Variants in ZNF548 observed in about 807,000 individuals in gnomAD.
ZNF548 encodes zinc finger protein 548.
Under a neutral mutation model 10.2 loss-of-function variants are expected in ZNF548, and 10 were observed. The ratio of observed to expected loss-of-function variants is 0.98; its 90% CI spans 0.60 to 1.66. The LOEUF is 1.66. Ranked by LOEUF, ZNF548 falls within the 40% of genes most tolerant of loss-of-function variation. The pLI is 0.00. For synonymous variants in ZNF548, 217 were observed against 223.5 expected (o/e 0.97, Z 0.26); for missense variants, 599 against 657.0 (o/e 0.91, Z 0.97).
At position 57,397,088 on chromosome 19, in the gene ZNF548, A is replaced by G; in HGVS notation, c.92A>G (p.Gln31Arg). The change falls in exon 3 of 4, where the codon CAG becomes CGG. Residue 31 changes from glutamine to arginine, a missense_variant. Physicochemically the swap from Gln to Arg is conservative, Grantham distance 43. Transcript: ENST00000336128. ...VFEDVAIYFS[Q>R]EEWGHLDEAQ... ...GAGGACGTGGCCATATATTTCTCCC[A>G]GGAGGAGTGGGGGCACCTTGATGAG... is the stretch of plus-strand genomic sequence containing the variant. 2 of 1,613,444 alleles carry G rather than the reference A, an allele frequency of 1.2e-6. No homozygotes were observed. Among genetic ancestry groups the G allele is most frequent in the Non-Finnish European group, 1.7e-6 (2 of 1,179,688 alleles).
In ZNF548 at chr19:57,401,296, T is replaced by C. The variant is rs2088714615; in HGVS notation, c.*1407T>C. ...TATTTGGAGCATCCATGGATTGCAG[T>C]GATCATTAATCAAAAATATTTGGAA... On this transcript the variant is annotated 3_prime_UTR_variant, in exon 4 of 4. Transcript: ENST00000336128. The C allele has an allele frequency of 6.6e-6, 1 of 152,228 alleles. No individual in the cohort carries two copies. The highest frequency in any genetic ancestry group is 1.5e-5 in the Non-Finnish European group (1 of 68,042). The allele number at this position is 152,228 out of a possible 1,614,324, so 9.4% of individuals were successfully genotyped here.
In ZNF548 at chr19:57,399,972, A is replaced by G; in HGVS notation, c.*83A>G. The stretch of plus-strand genomic sequence containing the variant: ...CAGAACATTTTTCCTCTTACCAAGA[A>G]GTAAAATGCTGTACCCATTAACAAC... On this transcript the variant is annotated 3_prime_UTR_variant, in exon 4 of 4. Coordinates refer to ENST00000336128, the MANE Select transcript of ZNF548 (RefSeq NM_001172773.2). The surrounding 1 kb of genome is among the most constrained non-coding windows in gnomAD (Gnocchi z 4.0). 8.7e-7 allele frequency: 1 copy of G among 1,151,674 alleles called. No individual in the cohort carries two copies. Among genetic ancestry groups the G allele is most frequent in the Non-Finnish European group, 1.2e-6 (1 of 835,050 alleles). The allele number at this position is 1,151,674 out of a possible 1,614,324, so 71.3% of individuals were successfully genotyped here.
Position 57,393,489 on chromosome 19 carries a change from T to C in ZNF548, c.16-699T>C, listed in dbSNP as rs974666239. 2.6e-5 allele frequency among the ~76,000 whole-genome samples: 4 copies of C among 151,358 alleles called. No individual in the cohort carries two copies. The South Asian group carries it at 8.4e-4, about 32-fold the overall frequency. ...CAGCCTGACCAACATGGAGAAACCCTGTCTCTACTAAAAATACAAAATTAG... is the reference window on the plus strand; with the variant it reads ...CAGCCTGACCAACATGGAGAAACCCCGTCTCTACTAAAAATACAAAATTAG... On this transcript the variant is annotated intron_variant, in intron 1 of 3. Coordinates refer to ENST00000336128, the MANE Select transcript of ZNF548 (RefSeq NM_001172773.2).
intron 1 of ZNF548, among the ~76,000 whole-genome samples, chr19:57,391,054 A>G (rs1600084203): frequency 6.6e-6 from 1 of 152,222 alleles, no homozygotes; most frequent in Admixed American, 6.5e-5. Flanking sequence ...TAATGTATCC[A>G]TCGCCTGAAT....
chr19:57,394,551 G>A (rs1776140782), intron 2 of ZNF548, among the ~76,000 whole-genome samples: 1 of 152,266 alleles, frequency 6.6e-6, no homozygotes, highest in South Asian at 2.1e-4. Flanking sequence ...GTGGCTAGAG[G>A]CACACAAACA....
At chr19:57,396,494 G>T (rs1342943500) in intron 2 of ZNF548, among the ~76,000 whole-genome samples, 1 of 152,230 alleles carries the variant, frequency 6.6e-6, no homozygotes, top group Non-Finnish European at 1.5e-5. Context: ...AGGCGTAGGG[G>T]ACAGCGATGA....
rs1293170341 is a variant in ZNF548 at position 57,401,552 on chromosome 19, G to A, written c.*1663G>A. 2 of 151,692 alleles carry A rather than the reference G, an allele frequency of 1.3e-5. No individual in the cohort carries two copies. Among genetic ancestry groups the A allele is most frequent in the Non-Finnish European group, 2.9e-5 (2 of 67,958 alleles). The allele number at this position is 151,692 out of a possible 1,614,324, so 9.4% of individuals were successfully genotyped here. On this transcript the variant is annotated 3_prime_UTR_variant, in exon 4 of 4. Coordinates refer to ENST00000336128, the MANE Select transcript of ZNF548 (RefSeq NM_001172773.2). ...ATCAGATGATTTTGGTATCCACAAGGGGTCCTGGAATCAGTCCCCCACAGA... is the reference window on the plus strand; with the variant it reads ...ATCAGATGATTTTGGTATCCACAAGAGGTCCTGGAATCAGTCCCCCACAGA...
chr19:57,394,065 G>C lies in ZNF548; in HGVS notation c.16-123G>C, dbSNP rs534247816. ...CAGAGCTGCAGCACTGAGGCCTGAG[G>C]AACTTTATTCAATGAATTGAGATCA... On this transcript the variant is annotated intron_variant, in intron 1 of 3. Coordinates refer to ENST00000336128, the MANE Select transcript of ZNF548 (RefSeq NM_001172773.2). 6 of 1,057,600 alleles carry C rather than the reference G, an allele frequency of 5.7e-6. No individual in the cohort carries two copies. In the East Asian group the frequency reaches 1.3e-4, roughly 23 times the overall value. 65.5% of individuals were successfully genotyped at this position (1,057,600 alleles called of 1,614,324 possible). A position where few individuals can be genotyped will look rare whatever the true frequency, so the allele number is the denominator to read the frequency against.
chr19:57,399,439 G>A lies in ZNF548; in HGVS notation c.1188G>A (p.Trp396Ter). The A allele has an allele frequency of 6.2e-7, 1 of 1,614,154 alleles. No individual in the cohort carries two copies. Among genetic ancestry groups the A allele is most frequent in the Non-Finnish European group, 8.5e-7 (1 of 1,180,024 alleles). Residue 396 changes from tryptophan to a stop codon, truncating the protein, a stop_gained, in exon 4 of 4, where the codon TGG becomes TGA. Coordinates refer to ENST00000336128, the MANE Select transcript of ZNF548 (RefSeq NM_001172773.2). LOFTEE classifies it low-confidence loss of function (END_TRUNC). The surrounding 1 kb of genome is among the most constrained non-coding windows in gnomAD (Gnocchi z 4.0). ...FRYNSSLVKH[W>*]RNHTGERPYK... ...ACAACTCCAGCCTTGTTAAACATTG[G>A]AGAAATCACACTGGAGAAAGGCCTT...
chr19:57,389,870 T>C lies in ZNF548; in HGVS notation c.-230T>C, dbSNP rs2123034479. 6.1e-6 allele frequency: 3 copies of C among 491,192 alleles called. No homozygotes were observed. The highest frequency in any genetic ancestry group is 3.9e-5 in the South Asian group (1 of 25,646). 30.4% of individuals were successfully genotyped at this position (491,192 alleles called of 1,614,324 possible). Reference sequence around the variant, plus strand: ...TCGGAGGGCGGGACTTCCGCCGTCCTCCTGGTGGTGGTCGTTTTGGTTCTG... The same window carrying C: ...TCGGAGGGCGGGACTTCCGCCGTCCCCCTGGTGGTGGTCGTTTTGGTTCTG... On this transcript the variant is annotated 5_prime_UTR_variant, in exon 1 of 4. Transcript: ENST00000336128.
chr19:57,399,677 C>T lies in ZNF548; in HGVS notation c.1426C>T (p.Leu476Phe). 1 of 1,613,978 alleles carries T rather than the reference C, an allele frequency of 6.2e-7. No individual in the cohort carries two copies. The change falls in exon 4 of 4, where the codon CTT (leucine) becomes TTT (phenylalanine). Residue 476 changes from leucine to phenylalanine, a missense_variant. Coordinates refer to ENST00000336128, the MANE Select transcript of ZNF548 (RefSeq NM_001172773.2). This position sits in a 1 kb window ranked among gnomAD's most constrained non-coding sequence, Gnocchi z 4.0. ...CGKAFSHKHI[L>F]VEHQKIHSGE... ...GAAAGCCTTTAGCCACAAGCATATA[C>T]TTGTTGAGCACCAGAAAATCCACAG...
intron 2 of ZNF548, among the ~76,000 whole-genome samples, chr19:57,396,331 C>G (rs2088664326): frequency 6.6e-6 from 1 of 152,118 alleles, no homozygotes; most frequent in Non-Finnish European, 1.5e-5. Context: ...CACGGGAGGC[C>G]CACATTCCTT....
chr19:57,400,980 T>C lies in ZNF548; in HGVS notation c.*1091T>C, dbSNP rs894432050. On this transcript the variant is annotated 3_prime_UTR_variant, in exon 4 of 4. Transcript: ENST00000336128. ...TGTGAATGATTGATGATGTTGAGGA[T>C]CTTTTCATGTGCTTGTTAGGCATTT... 3 of 152,194 alleles carry C rather than the reference T, an allele frequency of 2.0e-5. No homozygotes were observed. Among genetic ancestry groups the C allele is most frequent in the African/African-American group, 4.8e-5 (2 of 41,458 alleles). 9.4% of individuals were successfully genotyped at this position (152,194 alleles called of 1,614,324 possible).
chr19:57,398,916 A>G lies in ZNF548; in HGVS notation c.665A>G (p.Tyr222Cys), dbSNP rs778480593. 5.6e-6 allele frequency: 9 copies of G among 1,614,098 alleles called. No individual in the cohort carries two copies. Among genetic ancestry groups the G allele is most frequent in the South Asian group, 1.1e-5 (1 of 91,090 alleles). ...SECGKTFTCS[Y>C]SFVEHQKIHT... ...TGTGGGAAAACCTTCACCTGCAGCT[A>G]TTCATTTGTTGAGCACCAGAAAATC... The change falls in exon 4 of 4, where the codon TAT (tyrosine) becomes TGT (cysteine). Residue 222 changes from tyrosine (Y) to cysteine (C), a missense_variant. By Grantham distance (194) the Tyr-to-Cys change is radical (BLOSUM62 -2). Coordinates refer to ENST00000336128, the MANE Select transcript of ZNF548 (RefSeq NM_001172773.2).
rs1318226371 is a variant in ZNF548, at chr19:57,389,901, T to G, written c.-199T>G. On this transcript the variant is annotated 5_prime_UTR_variant, in exon 1 of 4. Transcript: ENST00000336128. Reference sequence around the variant, plus strand: ...TGGTGGTCGTTTTGGTTCTGTGTGGTGTTTCACCAACTTCGGCCTATGGCT... The same window carrying G: ...TGGTGGTCGTTTTGGTTCTGTGTGGGGTTTCACCAACTTCGGCCTATGGCT... 7 of 579,934 alleles carry G rather than the reference T, an allele frequency of 1.2e-5. No individual in the cohort carries two copies. Among genetic ancestry groups the G allele is most frequent in the Non-Finnish European group, 1.8e-5 (6 of 340,524 alleles). The allele number at this position is 579,934 out of a possible 1,614,324, so 35.9% of individuals were successfully genotyped here.
intron 3 of ZNF548, 150 bp downstream of exon 3, chr19:57,397,324 C>A: frequency 7.9e-7 from 1 of 1,268,958 alleles, no homozygotes; most frequent in Non-Finnish European, 1.1e-6. Context: ...CAGGGCTGGG[C>A]CGTGTGTTTT....
rs1370055175 is a variant in ZNF548 at position 57,390,047 on chromosome 19, C to G, written c.-53C>G. On this transcript the variant is annotated 5_prime_UTR_variant, in exon 1 of 4. Coordinates refer to ENST00000336128, the MANE Select transcript of ZNF548 (RefSeq NM_001172773.2). ...GGGGACAGTGGCGTCCTTGTCTTGC[C>G]TTTGTCGCTCCCGCCCCGCTCTTCC... is the stretch of plus-strand genomic sequence containing the variant. The G allele has an allele frequency of 6.2e-7, 1 of 1,602,098 alleles. No homozygotes were observed. The highest frequency in any genetic ancestry group is 8.5e-7 in the Non-Finnish European group (1 of 1,176,266).
intron 1 of ZNF548, among the ~76,000 whole-genome samples, chr19:57,391,297 C>CT (rs35713836): frequency 0.14 from 19,536 of 140,538 alleles, 1,396 homozygotes; most frequent in South Asian, 0.18. Context: ...TAGTTTCATG[C>CT]TTTTTTTTTT....
intron 1 of ZNF548, among the ~76,000 whole-genome samples, chr19:57,392,479 G>A (rs1487129552): frequency 1.3e-5 from 2 of 152,126 alleles, no homozygotes; most frequent in African/African-American, 4.8e-5. Flanking sequence ...AGAGAAATTG[G>A]TCCAGATTCA....
Sources: allele counts gnomAD v4.1 joint callset (sites outside exome capture counted in the v4.1 genomes callset), GRCh38; gene constraint gnomAD v4.1.1; non-coding constraint Gnocchi (gnomAD v3.1); transcripts MANE v1.5; gene names NCBI Gene and HGNC (gene_info 2026-07-23, HGNC 2026-07-21).